PDS5A: variants seen among roughly 807,000 people sequenced by gnomAD.
The protein encoded by PDS5A is sister chromatid cohesion protein PDS5 homolog A.
In PDS5A, 42 loss-of-function variants were observed where a neutral mutation model predicts 167.1. The ratio of observed to expected loss-of-function variants is 0.25; its 90% CI spans 0.20 to 0.33. The LOEUF is 0.33. Ranked by LOEUF, PDS5A falls within the 10% of genes least tolerant of loss-of-function variation. PDS5A has a pLI of 1.00. For missense variants in PDS5A, 1,033 were observed against 1,605.9 expected (o/e 0.64, Z 6.10); for synonymous variants, 553 against 554.6 (o/e 1.00, Z 0.04).
At chr4:39,831,964 A>T (rs1715935018) in intron 32 of PDS5A, among the ~76,000 whole-genome samples, 1 of 150,370 alleles carries the variant, frequency 6.7e-6, no homozygotes, top group Non-Finnish European at 1.5e-5. Context: ...AAATACAAAA[A>T]TTAGCCGGGT....
At chr4:39,834,537 C>T (rs1458239676) in intron 32 of PDS5A, among the ~76,000 whole-genome samples, 2 of 152,144 alleles carry the variant, frequency 1.3e-5, no homozygotes, top group African/African-American at 2.4e-5. Flanking sequence ...CTCCTTCTGA[C>T]TTCTTTTTGC....
chr4:39,898,559 G>C, intron 15 of PDS5A, 31 bp from the exon 16 acceptor site: 3 of 1,294,320 alleles, frequency 2.3e-6, no homozygotes, highest in Non-Finnish European at 3.1e-6. Context: ...CAATATTAGA[G>C]AAGGAAAAAA....
At chr4:39,886,240 G>A (rs1025136471) in intron 17 of PDS5A, among the ~76,000 whole-genome samples, 2 of 152,284 alleles carry the variant, frequency 1.3e-5, no homozygotes. Flanking sequence ...ATAAAGTCAG[G>A]TAGTTTGATG....
chr4:39,908,333 C>T, intron 11 of PDS5A, 62 bp downstream of exon 11: 2 of 1,231,306 alleles, frequency 1.6e-6, no homozygotes, highest in Non-Finnish European at 2.4e-6. Context: ...GAAAATGATA[C>T]CCAATTGTAT....
chr4:39,904,691 GA>G (rs1266981242), intron 11 of PDS5A, among the ~76,000 whole-genome samples: 1 of 152,168 alleles, frequency 6.6e-6, no homozygotes, highest in Non-Finnish European at 1.5e-5. Flanking sequence ...ATTGCTAAAT[GA>G]TCTACTTTTT....
chr4:39,971,308 C>T (rs1349882457), intron 2 of PDS5A, among the ~76,000 whole-genome samples: 1 of 152,010 alleles, frequency 6.6e-6, no homozygotes, highest in Non-Finnish European at 1.5e-5. Flanking sequence ...GGCCCCGCCA[C>T]CACGCCTGGA....
chr4:39,949,829 A>AAAAAAAAAG (rs1242952212), intron 2 of PDS5A, among the ~76,000 whole-genome samples: 6 of 150,808 alleles, frequency 4.0e-5, no homozygotes, highest in South Asian at 2.1e-4. Context: ...CAGAAAAAAA[A>AAAAAAAAAG]AAAAAAGAAA....
intron 2 of PDS5A, chr4:39,973,376 G>A (rs1462967434): frequency 2.5e-6 from 4 of 1,602,210 alleles, no homozygotes; most frequent in African/African-American, 2.7e-5. Flanking sequence ...AGATGTTGCT[G>A]AGGATTGCGA....
At chr4:39,881,989 C>T (rs1720974146) in intron 17 of PDS5A, among the ~76,000 whole-genome samples, 2 of 152,126 alleles carry the variant, frequency 1.3e-5, no homozygotes, top group African/African-American at 4.8e-5. Flanking sequence ...TTGCCTGTCA[C>T]CATGTAAGAT....
At chr4:39,831,869 T>TC (rs1715910109) in intron 32 of PDS5A, among the ~76,000 whole-genome samples, 1 of 41,724 alleles carries the variant, frequency 2.4e-5, no homozygotes, top group African/African-American at 8.7e-5. Flanking sequence ...AGAGCGAAAC[T>TC]CGTCTCAAAA....
chr4:39,869,268 C>G (rs893736186), intron 22 of PDS5A, 126 bp downstream of exon 22: 1 of 693,292 alleles, frequency 1.4e-6, no homozygotes, highest in African/African-American at 1.8e-5. Context: ...CCCAGGAGTT[C>G]AAGACCAAAC....
chr4:39,873,161 G>A lies in PDS5A; in HGVS notation c.2278-17C>T. 1 of 1,437,580 alleles carries A rather than the reference G, an allele frequency of 7.0e-7. No individual in the cohort carries two copies. Among genetic ancestry groups the A allele is most frequent in the Middle Eastern group, 1.8e-4 (1 of 5,416 alleles). The allele number at this position is 1,437,580 out of a possible 1,614,324, so 89.1% of individuals were successfully genotyped here. A position where few individuals can be genotyped will look rare whatever the true frequency, so the allele number is the denominator to read the frequency against. ...ACTGAGTGGCTATAAAAATAAAACA[G>A]ACAAAATTACCAATTTGTTTGATAA... On this transcript the variant is annotated splice_polypyrimidine_tract_variant and intron_variant, in intron 20 of 32. Coordinates refer to ENST00000303538, the MANE Select transcript of PDS5A (RefSeq NM_001100399.2).
intron 11 of PDS5A, among the ~76,000 whole-genome samples, chr4:39,906,070 G>A (rs907122656): frequency 1.3e-5 from 2 of 151,804 alleles, no homozygotes; most frequent in African/African-American, 4.8e-5. Flanking sequence ...TCAAATTAAA[G>A]AGTTCCCAAA....
intron 2 of PDS5A, chr4:39,974,390 T>G (rs913948716): frequency 4.2e-5 from 16 of 382,860 alleles, no homozygotes; most frequent in African/African-American, 3.4e-4. Flanking sequence ...GGTTTCAATA[T>G]TCTTAATTTG....
chr4:39,867,030 C>A, intron 22 of PDS5A, 33 bp from the exon 23 acceptor site: 2 of 1,533,760 alleles, frequency 1.3e-6, no homozygotes, highest in South Asian at 1.2e-5. Flanking sequence ...AAAAAGAAAG[C>A]AACTTAAAAT....
chr4:39,918,356 AT>A (rs11434177), intron 7 of PDS5A, among the ~76,000 whole-genome samples: 56,636 of 150,556 alleles, frequency 0.38, 10,700 homozygotes, highest in Middle Eastern at 0.46. Flanking sequence ...ACAAAAGCTG[AT>A]TTTTTTTTTA....
At chr4:39,902,775 A>G (rs933444009) in intron 12 of PDS5A, among the ~76,000 whole-genome samples, 3 of 152,132 alleles carry the variant, frequency 2.0e-5, no homozygotes, top group African/African-American at 7.2e-5. Context: ...CGCCTGCCTT[A>G]GCGTCCTGAA....
At chr4:39,871,224 C>A (rs915943692) in intron 21 of PDS5A, among the ~76,000 whole-genome samples, 1 of 152,078 alleles carries the variant, frequency 6.6e-6, no homozygotes, top group Non-Finnish European at 1.5e-5. Context: ...GATTAGGTAA[C>A]AATGTGGCTA....
intron 16 of PDS5A, among the ~76,000 whole-genome samples, chr4:39,891,225 G>A (rs1169037905): frequency 6.6e-6 from 1 of 151,318 alleles, no homozygotes; most frequent in South Asian, 2.1e-4. Context: ...TAGACATGGG[G>A]TTTCGTCATG....
Sources: allele counts gnomAD v4.1 joint callset (sites outside exome capture counted in the v4.1 genomes callset), GRCh38; gene constraint gnomAD v4.1.1; transcripts MANE v1.5; gene names NCBI Gene and HGNC (gene_info 2026-07-23, HGNC 2026-07-21).